Variants in TRIM49B observed in about 807,000 individuals in gnomAD.
TRIM49B encodes the protein putative tripartite motif-containing protein 49B.
Under a neutral mutation model 31.8 loss-of-function variants are expected in TRIM49B, and 18 were observed. The ratio of observed to expected loss-of-function variants is 0.57; its 90% CI spans 0.39 to 0.84. The LOEUF is 0.84. Among genes scored for constraint, TRIM49B ranks in the 40% least tolerant of loss-of-function variants. The pLI, the probability that TRIM49B is intolerant of heterozygous loss-of-function variation, is 0.00. For missense variants in TRIM49B, 494 were observed against 538.7 expected (o/e 0.92, Z 0.82); for synonymous variants, 196 against 180.6 (o/e 1.09, Z -0.68).
chr11:49,030,961 A>T (rs1490407797), intron 1 of TRIM49B, among the ~76,000 whole-genome samples: 1 of 96,250 alleles, frequency 1.0e-5, no homozygotes, highest in Non-Finnish European at 2.1e-5. Context: ...TGATTGGTTT[A>T]ATTGCAGTCT....
At chr11:49,029,344 CAT>C (rs918851403) in intron 1 of TRIM49B, among the ~76,000 whole-genome samples, 1 of 152,084 alleles carries the variant, frequency 6.6e-6, no homozygotes, top group African/African-American at 2.4e-5. Context: ...GCTTTCATAA[CAT>C]TCAGGTTTTA....
chr11:49,031,885 C>G lies in TRIM49B; in HGVS notation c.286C>G (p.His96Asp), dbSNP rs1440848632. 20 of 1,613,310 alleles carry G rather than the reference C, an allele frequency of 1.2e-5. No homozygotes were observed. The highest frequency in any genetic ancestry group is 3.6e-4 in the Middle Eastern group (2 of 5,518). Residue 96 changes from histidine (H) to aspartate (D), a missense_variant, in exon 2 of 7, where the codon CAC becomes GAC. Physicochemically the swap from His to Asp is moderately conservative, Grantham distance 81. Coordinates refer to ENST00000332682, the MANE Select transcript of TRIM49B (RefSeq NM_001206626.2). The part of the protein sequence containing the change: ...LSSEEQMCGT[H>D]RETKKMFCEV... Reference sequence around the variant, plus strand: ...CTCTGAGGAGCAAATGTGTGGCACTCACAGGGAGACAAAGAAGATGTTCTG... The same window carrying G: ...CTCTGAGGAGCAAATGTGTGGCACTGACAGGGAGACAAAGAAGATGTTCTG...
chr11:49,032,476 TAAAAAAAAAAG>T (rs1854467136), intron 3 of TRIM49B, 105 bp downstream of exon 3: 2 of 1,387,508 alleles, frequency 1.4e-6, no homozygotes, highest in African/African-American at 3.0e-5. Context: ...TGGGATTCAG[TAAAAAAAAAAG>T]AAAAAAAAAG....
chr11:49,035,339 A>ATTTTTTTTTTTTT lies in TRIM49B; in HGVS notation c.761+248_761+260dup, dbSNP rs1162056301. On this transcript the variant is annotated intron_variant, in intron 5 of 6. Coordinates refer to ENST00000332682, the MANE Select transcript of TRIM49B (RefSeq NM_001206626.2). ...ACTAAAACAAACAATTTGATTCCTG[A>ATTTTTTTTTTTTT]TTTTTTTTTTTTTTTTTTTTTTTTT... Among the ~76,000 whole-genome samples the ATTTTTTTTTTTTT allele has an allele frequency of 1.6e-3, 90 of 56,808 alleles. 16 individuals are homozygous for ATTTTTTTTTTTTT. The highest frequency in any genetic ancestry group is 2.8e-3 in the Admixed American group (10 of 3,610). 37.3% of individuals were successfully genotyped at this position (56,808 alleles called of 152,430 possible).
intron 6 of TRIM49B, among the ~76,000 whole-genome samples, chr11:49,036,730 A>C (rs1011598165): frequency 6.6e-6 from 1 of 152,140 alleles, no homozygotes; most frequent in East Asian, 1.9e-4. Flanking sequence ...AAAATTGTAC[A>C]TTTCTTTAGT....
intron 1 of TRIM49B, among the ~76,000 whole-genome samples, chr11:49,030,207 C>G (rs189896226): frequency 6.6e-6 from 1 of 152,078 alleles, no homozygotes; most frequent in African/African-American, 2.4e-5. Context: ...CCTAGTGTCA[C>G]GTTCCTGTAA....
intron 1 of TRIM49B, 121 bp from the exon 2 acceptor site, chr11:49,031,475 T>A: frequency 6.7e-7 from 1 of 1,498,376 alleles, no homozygotes. Context: ...GAAGAAATAG[T>A]TTGTTGTACT....
intron 3 of TRIM49B, 103 bp downstream of exon 3, chr11:49,032,474 A>G (rs1247266319): frequency 1.4e-6 from 2 of 1,456,502 alleles, no homozygotes; most frequent in East Asian, 4.7e-5. Context: ...TCTGGGATTC[A>G]GTAAAAAAAA....
Position 49,030,268 on chromosome 11 carries a change from C to T in TRIM49B, c.-5+1293C>T, listed in dbSNP as rs186842557. Among the ~76,000 whole-genome samples, 819 of 151,950 alleles carry T rather than the reference C, an allele frequency of 5.4e-3. 8 individuals are homozygous for T. The highest frequency in any genetic ancestry group is 0.019 in the African/African-American group (768 of 41,442). On this transcript the variant is annotated intron_variant, in intron 1 of 6. Transcript: ENST00000332682. ...AGGAGAATCACTCTGAACCTGGAGG[C>T]GCAGGTTACAGTGAGCCGAGATCAC...
At chr11:49,035,739 A>G (rs1398006062) in intron 5 of TRIM49B, among the ~76,000 whole-genome samples, 2 of 152,206 alleles carry the variant, frequency 1.3e-5, no homozygotes, top group South Asian at 2.1e-4. Context: ...AAGTCACCAG[A>G]GGAAGCAGGA....
chr11:49,033,049 G>A (rs1854474250), intron 3 of TRIM49B, among the ~76,000 whole-genome samples: 2 of 151,986 alleles, frequency 1.3e-5, no homozygotes, highest in African/African-American at 4.8e-5. Context: ...ATATTTTGAG[G>A]GAATGATAGC....
In TRIM49B at chr11:49,031,879, G is replaced by A; in HGVS notation, c.280G>A (p.Gly94Ser). 1 of 1,613,510 alleles carries A rather than the reference G, an allele frequency of 6.2e-7. No individual in the cohort carries two copies. Among genetic ancestry groups the A allele is most frequent in the Non-Finnish European group, 8.5e-7 (1 of 1,179,876 alleles). The part of the protein sequence containing the change: ...LFLSSEEQMC[G>S]THRETKKMFC... The stretch of plus-strand genomic sequence containing the variant: ...CCTGAGCTCTGAGGAGCAAATGTGT[G>A]GCACTCACAGGGAGACAAAGAAGAT... Residue 94 changes from glycine (G) to serine (S), a missense_variant, in exon 2 of 7, where the codon GGC (glycine) becomes AGC (serine). Gly to Ser is a moderately conservative substitution (Grantham distance 56). Transcript: ENST00000332682.
rs1854551225 is a variant in TRIM49B at position 49,037,688 on chromosome 11, T to C, written c.1070T>C (p.Val357Ala). ...GACTCCTGGAATTGGGCTTTTGGTGTCTGTAATATGTATTGGAAAGAGAAG... is the reference window on the plus strand; with the variant it reads ...GACTCCTGGAATTGGGCTTTTGGTGCCTGTAATATGTATTGGAAAGAGAAG... The part of the protein sequence containing the change: ...VGDSWNWAFG[V>A]CNMYWKEKNQ... Residue 357 changes from valine (V) to alanine (A), a missense_variant, in exon 7 of 7, where the codon GTC becomes GCC. Coordinates refer to ENST00000332682, the MANE Select transcript of TRIM49B (RefSeq NM_001206626.2). 1.9e-6 allele frequency: 3 copies of C among 1,613,906 alleles called. No homozygotes were observed. The highest frequency in any genetic ancestry group is 2.5e-6 in the Non-Finnish European group (3 of 1,179,854).
chr11:49,030,949 C>T (rs1230935261), intron 1 of TRIM49B, among the ~76,000 whole-genome samples: 1 of 149,986 alleles, frequency 6.7e-6, no homozygotes, highest in African/African-American at 2.5e-5. Flanking sequence ...ACTAGTGAAC[C>T]TTGATTGGTT....
rs1232116300 is a variant in TRIM49B at position 49,036,298 on chromosome 11, C to G, written c.762-3C>G. 1.3e-6 allele frequency: 2 copies of G among 1,527,584 alleles called. No homozygotes were observed. The highest frequency in any genetic ancestry group is 1.8e-6 in the Non-Finnish European group (2 of 1,126,254). 94.6% of individuals were successfully genotyped at this position (1,527,584 alleles called of 1,614,324 possible). ...TGTTGTAACTGCAGGTTTTTCCTTG[C>G]AGGAGTGAGTCCGTGCTGCTGCACA... On this transcript the variant is annotated splice_polypyrimidine_tract_variant and splice_region_variant and intron_variant, in intron 5 of 6. Transcript: ENST00000332682.
rs750672696 is a variant in TRIM49B, at chr11:49,037,484, T to C, written c.866T>C (p.Ile289Thr). 8 of 1,613,888 alleles carry C rather than the reference T, an allele frequency of 5.0e-6. No individual in the cohort carries two copies. Among genetic ancestry groups the C allele is most frequent in the Middle Eastern group, 1.6e-4 (1 of 6,062 alleles). ...TTTTCTCTTTTTTTTGCAGTGCATA[T>C]TACTCTGCATCATGAAGAAGCCAAC... is the stretch of plus-strand genomic sequence containing the variant. The part of the protein sequence containing the change: ...RDRLNQFRVH[I>T]TLHHEEANSD... The change falls in exon 7 of 7, where the codon ATT becomes ACT. Residue 289 changes from isoleucine to threonine, a missense_variant. Ile to Thr is a moderately conservative substitution (Grantham distance 89). Coordinates refer to ENST00000332682, the MANE Select transcript of TRIM49B (RefSeq NM_001206626.2).
rs775503824 is a variant in TRIM49B, at chr11:49,031,713, T to C, written c.114T>C (p.Cys38=). 16 of 1,613,830 alleles carry C rather than the reference T, an allele frequency of 9.9e-6. 1 individual carries two copies. The South Asian group carries it at 1.1e-4, about 11-fold the overall frequency. Residue 38 remains cysteine (C), a synonymous_variant, in exon 2 of 7, where the codon TGT becomes TGC. Transcript: ENST00000332682. The stretch of plus-strand genomic sequence containing the variant: ...GTGGGCACAGCTTTTGCAGGCCTTG[T>C]TTCTACCTCAACTGGAAAGACAGCC... ...IDCGHSFCRP[C]FYLNWKDSPF...
chr11:49,032,198 G>T (rs1306963645), intron 2 of TRIM49B, 78 bp from the exon 3 acceptor site: 20 of 1,611,420 alleles, frequency 1.2e-5, no homozygotes, highest in East Asian at 2.2e-5. Flanking sequence ...TTTACTAGGG[G>T]TTTATTTGTC....
At chr11:49,030,714 G>T (rs1202899987) in intron 1 of TRIM49B, among the ~76,000 whole-genome samples, 1 of 152,106 alleles carries the variant, frequency 6.6e-6, no homozygotes, top group Non-Finnish European at 1.5e-5. Flanking sequence ...CACCTTCACA[G>T]ACTCACCCAC....
Sources: gnomAD v4.1 joint callset for allele counts (sites outside exome capture counted in the v4.1 genomes callset) on GRCh38, gnomAD v4.1.1 for gene constraint, MANE v1.5 for transcripts, NCBI Gene and HGNC (gene_info 2026-07-23, HGNC 2026-07-21) for gene names.